PLEKHA8: variants seen among roughly 807,000 people sequenced by gnomAD.
The protein encoded by PLEKHA8 is pleckstrin homology domain containing A8.
Under a neutral mutation model 68.2 loss-of-function variants are expected in PLEKHA8, and 36 were observed. The ratio of observed to expected loss-of-function variants is 0.53; its 90% confidence interval spans 0.40 to 0.70. The LOEUF is 0.70. PLEKHA8 is among the 30% of genes least tolerant of loss of function. The pLI is 0.00. For synonymous variants in PLEKHA8, 211 were observed against 216.1 expected (o/e 0.98, Z 0.20); for missense variants, 505 against 615.4 (o/e 0.82, Z 1.90).
intron 9 of PLEKHA8, among the ~76,000 whole-genome samples, chr7:30,057,825 T>G (rs1215805945): frequency 6.6e-6 from 1 of 152,200 alleles, no homozygotes; most frequent in Admixed American, 6.5e-5. Context: ...TATGCTTTCA[T>G]TTCTCTTGAG....
Position 30,082,908 on chromosome 7 carries a change from A to G in PLEKHA8, c.*4121A>G, listed in dbSNP as rs1795014435. ...TAAGTTTTTTTCCTAGCAAACTACC[A>G]TGTCCTACAAGAACTTGGTTATATA... On this transcript the variant is annotated 3_prime_UTR_variant, in exon 14 of 14. Transcript: ENST00000449726. 1.8e-5 allele frequency: 18 copies of G among 985,318 alleles called. No homozygotes were observed. Among genetic ancestry groups the G allele is most frequent in the South Asian group, 9.4e-5 (2 of 21,294 alleles). The allele number at this position is 985,318 out of a possible 1,614,324, so 61.0% of individuals were successfully genotyped here.
Position 30,047,972 on chromosome 7 carries a change from T to A in PLEKHA8, c.438+16T>A. On this transcript the variant is annotated intron_variant, in intron 4 of 13. Coordinates refer to ENST00000449726, the MANE Select transcript of PLEKHA8 (RefSeq NM_001197026.2). Reference sequence around the variant, plus strand: ...CAATTCTGAGGTAAAATATTATTTATTAATATTATTAATATACATGAATAA... The same window carrying A: ...CAATTCTGAGGTAAAATATTATTTAATAATATTATTAATATACATGAATAA... 1 of 1,238,350 alleles carries A rather than the reference T, an allele frequency of 8.1e-7. No individual in the cohort carries two copies. Among genetic ancestry groups the A allele is most frequent in the Non-Finnish European group, 1.0e-6 (1 of 953,548 alleles). 76.7% of individuals were successfully genotyped at this position (1,238,350 alleles called of 1,614,324 possible). A position where few individuals can be genotyped will look rare whatever the true frequency, so the allele number is the denominator to read the frequency against.
At chr7:30,071,770 A>G (rs1794253122) in intron 12 of PLEKHA8, 1 of 152,234 alleles carries the variant, frequency 6.6e-6, no homozygotes, top group Non-Finnish European at 1.5e-5. Flanking sequence ...GAATACTGAC[A>G]CAAGAAAGAA....
downstream of PLEKHA8, chr7:30,129,913 C>T (rs1260666128): frequency 6.5e-6 from 1 of 154,292 alleles, no homozygotes; most frequent in Non-Finnish European, 1.4e-5. Context: ...TTCCATCAGC[C>T]AGTTTCCCAT....
chr7:30,047,012 A>G (rs932273325), intron 3 of PLEKHA8, among the ~76,000 whole-genome samples: 5 of 152,236 alleles, frequency 3.3e-5, no homozygotes, highest in Non-Finnish European at 5.9e-5. Context: ...TCCCTGCCCC[A>G]TGGCCCTAAA....
chr7:30,074,496 A>G lies in PLEKHA8; in HGVS notation c.1362+364A>G, dbSNP rs535144128. 3.3e-5 allele frequency among the ~76,000 whole-genome samples: 5 copies of G among 152,294 alleles called. No homozygotes were observed. In the South Asian group the frequency reaches 1.0e-3, roughly 32 times the overall value. ...TGACCTTGTGAAGATTTGCCTCATA[A>G]GTGGTTGCCTTTCTGATAAGGTAGT... On this transcript the variant is annotated intron_variant, in intron 13 of 13. Coordinates refer to ENST00000449726, the MANE Select transcript of PLEKHA8 (RefSeq NM_001197026.2).
At chr7:30,069,626 T>C (rs1481661279) in intron 12 of PLEKHA8, 1 of 152,232 alleles carries the variant, frequency 6.6e-6, no homozygotes, top group Non-Finnish European at 1.5e-5. Context: ...CAGGTGCCAA[T>C]TCTTTCAGAA....
intron 13 of PLEKHA8, among the ~76,000 whole-genome samples, chr7:30,101,563 C>T (rs1795855733): frequency 6.6e-6 from 1 of 152,124 alleles, no homozygotes; most frequent in African/African-American, 2.4e-5. Flanking sequence ...CATGAGAGTC[C>T]TGCCTTCATG....
At chr7:30,129,785 T>C (rs1796842477), downstream of PLEKHA8, 1 of 156,498 alleles carries the variant, frequency 6.4e-6, no homozygotes, top group Non-Finnish European at 1.4e-5. Flanking sequence ...AAAACTGGGG[T>C]TTGCAGGGGT....
chr7:30,075,792 A>G (rs1403793068), intron 13 of PLEKHA8, among the ~76,000 whole-genome samples: 5 of 152,230 alleles, frequency 3.3e-5, no homozygotes, highest in South Asian at 2.1e-4. Context: ...GATATTGTCA[A>G]TAAGAATGCA....
At chr7:30,062,630 G>A in intron 11 of PLEKHA8, 42 bp from the exon 12 acceptor site, 1 of 1,468,408 alleles carries the variant, frequency 6.8e-7, no homozygotes, top group Non-Finnish European at 9.5e-7. Flanking sequence ...CTCAACATAA[G>A]TGAACTTTGA....
downstream of PLEKHA8, among the ~76,000 whole-genome samples, chr7:30,087,077 T>C (rs1202190366): frequency 1.3e-5 from 2 of 152,228 alleles, no homozygotes; most frequent in South Asian, 2.1e-4. Flanking sequence ...CTGACACTTG[T>C]GTATGGCCAG....
chr7:30,121,627 T>C (rs1562561950), intron 13 of PLEKHA8, among the ~76,000 whole-genome samples: 2 of 148,496 alleles, frequency 1.3e-5, no homozygotes, highest in Admixed American at 6.7e-5. Flanking sequence ...AGACCCTGTC[T>C]AAAAAAAAAA....
chr7:30,074,246 TTGTGTG>T (rs149548208), intron 13 of PLEKHA8, 114 bp downstream of exon 13: 6 of 488,426 alleles, frequency 1.2e-5, no homozygotes, highest in African/African-American at 6.1e-5. Flanking sequence ...AGAAACAAAG[TTGTGTG>T]TGTGTGTGTG....
At chr7:30,050,401 A>G (rs914250557) in intron 5 of PLEKHA8, 33 bp from the exon 6 acceptor site, 2 of 1,553,924 alleles carry the variant, frequency 1.3e-6, no homozygotes, top group Middle Eastern at 1.8e-4. Flanking sequence ...AAAGTTTAAC[A>G]TGTGAACTTT....
intron 13 of PLEKHA8, among the ~76,000 whole-genome samples, chr7:30,105,762 C>T (rs938026601): frequency 6.6e-6 from 1 of 152,300 alleles, no homozygotes; most frequent in African/African-American, 2.4e-5. Flanking sequence ...ATTGCTTGTT[C>T]ATAGTTTATA....
chr7:30,040,954 A>G (rs987238733), intron 1 of PLEKHA8, among the ~76,000 whole-genome samples: 1 of 152,240 alleles, frequency 6.6e-6, no homozygotes, highest in Non-Finnish European at 1.5e-5. Context: ...AGGGAGTAGT[A>G]CAGACCAACA....
At chr7:30,124,796 GC>G (rs1796746844) in intron 13 of PLEKHA8, among the ~76,000 whole-genome samples, 1 of 152,116 alleles carries the variant, frequency 6.6e-6, no homozygotes, top group African/African-American at 2.4e-5. Context: ...ATTTCAAAAT[GC>G]TTTTTTGTGA....
intron 9 of PLEKHA8, among the ~76,000 whole-genome samples, chr7:30,056,765 GTGTGTGTGTGTGTGTGTGTGTA>G (rs1392763897): frequency 3.8e-5 from 5 of 132,724 alleles, no homozygotes; most frequent in African/African-American, 1.1e-4. Context: ...GTGTGTGTGT[GTGTGTGTGTGTGTGTGTGTGTA>G]TATATATATG....
Sources: gnomAD v4.1 joint callset for allele counts (sites outside exome capture counted in the v4.1 genomes callset) on GRCh38, gnomAD v4.1.1 for gene constraint, MANE v1.5 for transcripts, NCBI Gene and HGNC (gene_info 2026-07-23, HGNC 2026-07-21) for gene names.